Variants in COL18A1 observed in about 807,000 individuals in gnomAD.
The protein encoded by COL18A1 is collagen alpha-1(XVIII) chain.
COL18A1 carries 133 observed loss-of-function variants against 168.0 expected under a neutral mutation model. The ratio of observed to expected loss-of-function variants is 0.79; its 90% confidence interval spans 0.69 to 0.91. The LOEUF is 0.91. COL18A1 is among the 40% of genes least tolerant of loss of function. COL18A1 has a pLI of 0.00. For synonymous variants in COL18A1, 949 were observed against 809.0 expected (o/e 1.17, Z -2.94); for missense variants, 2,126 against 1,925.4 (o/e 1.10, Z -1.95).
chr21:45,491,590 C>G (rs1010973549), intron 22 of COL18A1, among the ~76,000 whole-genome samples: 1 of 141,774 alleles, frequency 7.1e-6, no homozygotes, highest in African/African-American at 2.6e-5. Flanking sequence ...TGGGCTCACT[C>G]CCTGTGTCCT....
intron 2 of COL18A1, among the ~76,000 whole-genome samples, chr21:45,460,777 G>A (rs940241084): frequency 1.3e-5 from 2 of 151,908 alleles, no homozygotes; most frequent in Middle Eastern, 3.2e-3. Context: ...ATATTTTTTC[G>A]ATGATGCTGG....
intron 41 of COL18A1, 98 bp from the exon 42 acceptor site, chr21:45,512,090 G>A (rs2037644720): frequency 1.5e-6 from 2 of 1,353,094 alleles, no homozygotes. Flanking sequence ...GGTAACCCCA[G>A]GGCTGGCCTC....
At chr21:45,411,229 C>T (rs769797349) in intron 2 of COL18A1, among the ~76,000 whole-genome samples, 10 of 152,142 alleles carry the variant, frequency 6.6e-5, no homozygotes, top group Non-Finnish European at 1.3e-4. Flanking sequence ...GCTCTGCCTT[C>T]CCCGATGCCA....
intron 32 of COL18A1, among the ~76,000 whole-genome samples, chr21:45,501,310 G>A (rs1367060061): frequency 6.6e-6 from 1 of 152,042 alleles, no homozygotes; most frequent in African/African-American, 2.4e-5. Context: ...ATTATAGGGG[G>A]ACTTTCAGCC....
intron 41 of COL18A1, 78 bp from the exon 42 acceptor site, chr21:45,512,110 C>T (rs1328366175): frequency 5.3e-6 from 8 of 1,504,632 alleles, no homozygotes; most frequent in Non-Finnish European, 6.3e-6. Context: ...CCTGCCTCCA[C>T]CTTTCCTGCC....
intron 15 of COL18A1, among the ~76,000 whole-genome samples, chr21:45,485,208 C>T (rs931381530): frequency 1.3e-4 from 18 of 133,840 alleles, no homozygotes; most frequent in Non-Finnish European, 2.6e-4. Flanking sequence ...GTCATGATGG[C>T]CAGGCTGGTC....
intron 2 of COL18A1, among the ~76,000 whole-genome samples, chr21:45,410,511 G>A (rs2033258841): frequency 6.6e-6 from 1 of 152,218 alleles, no homozygotes; most frequent in Non-Finnish European, 1.5e-5. Context: ...GGAGGAGGGA[G>A]CGTGATTGGT....
chr21:45,480,634 G>C lies in COL18A1; in HGVS notation c.1453-66G>C, dbSNP rs545394897. The C allele has an allele frequency of 1.9e-6, 3 of 1,611,756 alleles. No individual in the cohort carries two copies. The South Asian group carries it at 3.3e-5, about 18-fold the overall frequency. On this transcript the variant is annotated intron_variant, in intron 12 of 41. Coordinates refer to ENST00000651438, the MANE Select transcript of COL18A1 (RefSeq NM_001379500.1). ...GGGGGGTGGGGATGAGGCCCGTTCT[G>C]GGGGTGGTGGTCATCCCTGGTGGGT...
chr21:45,512,382 T>TGAC lies in COL18A1; in HGVS notation c.4005_4007dup (p.Thr1336dup). The TGAC allele has an allele frequency of 6.2e-7, 1 of 1,612,598 alleles. No individual in the cohort carries two copies. Among genetic ancestry groups the TGAC allele is most frequent in the Non-Finnish European group, 8.5e-7 (1 of 1,179,772 alleles). On this transcript the variant is annotated inframe_insertion, in exon 42 of 42. Transcript: ENST00000651438. ...GTGCTCTGCATTGAGAACAGCTTCATGACTGCCTCCAAGTAGCCACCGCCT... is the reference window on the plus strand; with the variant it reads ...GTGCTCTGCATTGAGAACAGCTTCATGACGACTGCCTCCAAGTAGCCACCGCCT...
intron 2 of COL18A1, among the ~76,000 whole-genome samples, chr21:45,450,823 C>T (rs1432599381): frequency 1.3e-5 from 2 of 152,244 alleles, no homozygotes; most frequent in African/African-American, 2.4e-5. Flanking sequence ...CCACCCTGCA[C>T]CCCACAGCCA....
In COL18A1 at chr21:45,475,513, G is replaced by A. The variant is rs62000965; in HGVS notation, c.776G>A (p.Arg259Gln). Residue 259 changes from arginine to glutamine, a missense_variant, in exon 5 of 42, where the codon CGG becomes CAG. Coordinates refer to ENST00000651438, the MANE Select transcript of COL18A1 (RefSeq NM_001379500.1). ...GDSGSGLGDARELLREETGAA... is the reference protein window; with the variant it reads ...GDSGSGLGDAQELLREETGAA... ...TCTGGCAGCGGGCTCGGGGACGCCC[G>A]GGAGCTTCTCAGGGAGGAGACGGTG... is the stretch of plus-strand genomic sequence containing the variant. 15 of 1,607,024 alleles carry A rather than the reference G, an allele frequency of 9.3e-6. No homozygotes were observed. The highest frequency in any genetic ancestry group is 2.2e-5 in the East Asian group (1 of 44,676).
intron 2 of COL18A1, among the ~76,000 whole-genome samples, chr21:45,430,685 C>A (rs1335828880): frequency 6.6e-6 from 1 of 152,194 alleles, no homozygotes; most frequent in African/African-American, 2.4e-5. Flanking sequence ...GGTCTCGTGG[C>A]TGGTCTGGGA....
At chr21:45,484,615 G>A (rs1236646860) in intron 15 of COL18A1, among the ~76,000 whole-genome samples, 5 of 135,578 alleles carry the variant, frequency 3.7e-5, no homozygotes, top group Non-Finnish European at 8.1e-5. Context: ...GTGTATATGT[G>A]CAACACATGT....
chr21:45,416,819 C>G (rs1291309466), intron 2 of COL18A1, among the ~76,000 whole-genome samples: 1 of 152,154 alleles, frequency 6.6e-6, no homozygotes, highest in African/African-American at 2.4e-5. Context: ...CAGCGCCTGC[C>G]CCTGACAACT....
intron 41 of COL18A1, 36 bp from the exon 42 acceptor site, chr21:45,512,152 G>T: frequency 6.3e-7 from 1 of 1,592,172 alleles, no homozygotes; most frequent in Non-Finnish European, 8.5e-7. Context: ...AGCAGAGCAG[G>T]TCTGGGTTTG....
chr21:45,484,692 A>C (rs925176557), intron 15 of COL18A1, among the ~76,000 whole-genome samples: 1 of 151,424 alleles, frequency 6.6e-6, no homozygotes, highest in African/African-American at 2.4e-5. Context: ...GTATGTGCCC[A>C]CGTTTTTCTA....
At chr21:45,433,658 G>A (rs1267867006) in intron 2 of COL18A1, among the ~76,000 whole-genome samples, 1 of 152,192 alleles carries the variant, frequency 6.6e-6, no homozygotes, top group Non-Finnish European at 1.5e-5. Flanking sequence ...GAGCTGGATG[G>A]CATTTGGAGC....
At chr21:45,460,985 G>A (rs80114582) in intron 2 of COL18A1, among the ~76,000 whole-genome samples, 4,301 of 152,236 alleles carry the variant, frequency 0.028, 216 homozygotes, top group African/African-American at 0.098. Context: ...GTCCTTTTAC[G>A]TATATTTGGG....
At chr21:45,428,687 G>T (rs914677432) in intron 2 of COL18A1, among the ~76,000 whole-genome samples, 4 of 152,090 alleles carry the variant, frequency 2.6e-5, no homozygotes, top group Non-Finnish European at 4.4e-5. Flanking sequence ...GGTTCTGGAC[G>T]TTCATGCAGG....
Sources: allele counts gnomAD v4.1 joint callset (sites outside exome capture counted in the v4.1 genomes callset), GRCh38; gene constraint gnomAD v4.1.1; transcripts MANE v1.5; gene names NCBI Gene and HGNC (gene_info 2026-07-23, HGNC 2026-07-21).